The following SLC24A2 variants were observed in gnomAD, a reference collection of about 807,000 sequenced individuals.
The protein encoded by SLC24A2 is sodium/potassium/calcium exchanger 2.
A neutral mutation model predicts 62.0 loss-of-function variants in SLC24A2; 36 were observed. The observed-to-expected ratio is 0.58, with a 90% CI of 0.44 to 0.77. SLC24A2 has a LOEUF of 0.77. Ranked by LOEUF, SLC24A2 falls within the 30% of genes least tolerant of loss-of-function variation. The probability of loss-of-function intolerance (pLI) is 0.00; values close to 1 mark genes in which losing one functional copy is unlikely to be tolerated. For synonymous variants in SLC24A2, 358 were observed against 294.0 expected (o/e 1.22, Z -2.23); for missense variants, 846 against 817.9 (o/e 1.03, Z -0.42).
the SLC24A2 span, among the ~76,000 whole-genome samples, chr9:20,293,560 T>A: frequency 5.3e-4 from 81 of 152,316 alleles, no homozygotes; most frequent in African/African-American, 1.9e-3. Context: ...GGAAGCACTG[T>A]TATTACCACC....
the SLC24A2 span, among the ~76,000 whole-genome samples, chr9:20,208,092 T>A: frequency 6.6e-6 from 1 of 151,934 alleles, no homozygotes; most frequent in Non-Finnish European, 1.5e-5. Context: ...GTCAGCAAGA[T>A]TGGGAAGGAA....
At chr9:20,160,394 C>A in the SLC24A2 span, among the ~76,000 whole-genome samples, 1 of 150,942 alleles carries the variant, frequency 6.6e-6, no homozygotes, top group Non-Finnish European at 1.5e-5. Context: ...GTCAAGTGGA[C>A]AAAAAATAAG....
At chr9:20,088,781 C>T in the SLC24A2 span, among the ~76,000 whole-genome samples, 1 of 152,150 alleles carries the variant, frequency 6.6e-6, no homozygotes. Flanking sequence ...ATCGGGGTCC[C>T]CAGCCTCCCC....
At chr9:19,877,870 C>G in the SLC24A2 span, among the ~76,000 whole-genome samples, 1 of 152,130 alleles carries the variant, frequency 6.6e-6, no homozygotes, top group African/African-American at 2.4e-5. Context: ...TAATTTACAC[C>G]TTCAACCCTG....
At chr9:20,207,703 C>A in the SLC24A2 span, among the ~76,000 whole-genome samples, 3 of 152,144 alleles carry the variant, frequency 2.0e-5, no homozygotes, top group Non-Finnish European at 2.9e-5. Context: ...GATGTTAAAT[C>A]TGAGGTATAA....
At chr9:19,560,897 G>GTGTGTGTGTGTGTA (rs1287721646) in intron 7 of SLC24A2, among the ~76,000 whole-genome samples, 1 of 128,498 alleles carries the variant, frequency 7.8e-6, no homozygotes. Context: ...GTGTGTGTGT[G>GTGTGTGTGTGTGTA]TATATATATA....
the SLC24A2 span, among the ~76,000 whole-genome samples, chr9:20,276,034 C>T: frequency 6.6e-6 from 1 of 152,150 alleles, no homozygotes; most frequent in Admixed American, 6.5e-5. Context: ...GGTGAGGACA[C>T]AGCCAAACCA....
rs5896848 is a variant in SLC24A2, at chr9:19,584,273, T to TA, written c.1130-7252dup. Reference sequence around the variant, plus strand: ...TCACAAACTAACACATAGCAAATAGTAAAAAAAAAAAAAAAAAAAACAAAC... The same window carrying TA: ...TCACAAACTAACACATAGCAAATAGTAAAAAAAAAAAAAAAAAAAAACAAAC... On this transcript the variant is annotated intron_variant, in intron 5 of 10. Coordinates refer to ENST00000341998, the MANE Select transcript of SLC24A2 (RefSeq NM_020344.4). 6.5e-3 allele frequency among the ~76,000 whole-genome samples: 779 copies of TA among 119,840 alleles called. 5 individuals are homozygous for TA. The highest frequency in any genetic ancestry group is 0.023 in the African/African-American group (724 of 31,702). The allele number at this position is 119,840 out of a possible 152,430, so 78.6% of individuals were successfully genotyped here.
chr9:19,701,564 G>A (rs546482903), intron 2 of SLC24A2, among the ~76,000 whole-genome samples: 1 of 152,188 alleles, frequency 6.6e-6, no homozygotes, highest in Non-Finnish European at 1.5e-5. Flanking sequence ...TTACTGAACA[G>A]TTCTGGAGGC....
the SLC24A2 span, among the ~76,000 whole-genome samples, chr9:20,140,904 G>A: frequency 4.0e-5 from 6 of 151,868 alleles, no homozygotes; most frequent in Non-Finnish European, 7.4e-5. Flanking sequence ...TTCCTCTACC[G>A]CTCACCTGCT....
chr9:19,861,422 A>C, the SLC24A2 span, among the ~76,000 whole-genome samples: 1 of 152,260 alleles, frequency 6.6e-6, no homozygotes, highest in African/African-American at 2.4e-5. Flanking sequence ...TTACATCCTA[A>C]TGCCCAAGTC....
the SLC24A2 span, among the ~76,000 whole-genome samples, chr9:19,933,220 A>G: frequency 6.6e-6 from 1 of 152,220 alleles, no homozygotes; most frequent in Non-Finnish European, 1.5e-5. Flanking sequence ...CAGCCAGAGT[A>G]AGGCATGCTA....
chr9:19,759,337 A>G (rs572245190), intron 2 of SLC24A2, among the ~76,000 whole-genome samples: 8 of 152,190 alleles, frequency 5.3e-5, no homozygotes, highest in Non-Finnish European at 1.0e-4. Context: ...ATTAAACACC[A>G]TGATCTCCAT....
the SLC24A2 span, among the ~76,000 whole-genome samples, chr9:19,837,432 C>G: frequency 8.8e-6 from 1 of 114,142 alleles, no homozygotes; most frequent in African/African-American, 3.2e-5. Flanking sequence ...GCAGTCCGGC[C>G]TGGGCGACAG....
chr9:20,029,921 G>C, the SLC24A2 span, among the ~76,000 whole-genome samples: 1 of 152,180 alleles, frequency 6.6e-6, no homozygotes, highest in South Asian at 2.1e-4. Flanking sequence ...CCCCATGTTA[G>C]TGTTGCACAA....
At chr9:19,636,315 T>TTTTCTTTCCTTTTCTTTCCTTTCTTTC (rs1818329839) in intron 2 of SLC24A2, among the ~76,000 whole-genome samples, 7 of 40,328 alleles carry the variant, frequency 1.7e-4, no homozygotes, top group African/African-American at 5.8e-4. Flanking sequence ...TTTTCTTTTC[T>TTTTCTTTCCTTTTCTTTCCTTTCTTTC]TTTCTTTCTT....
the SLC24A2 span, among the ~76,000 whole-genome samples, chr9:19,871,317 T>C: frequency 6.6e-6 from 1 of 152,196 alleles, no homozygotes; most frequent in Non-Finnish European, 1.5e-5. Context: ...AATTTGACTA[T>C]AAATTGTTTA....
the SLC24A2 span, among the ~76,000 whole-genome samples, chr9:19,965,077 TG>T: frequency 6.6e-6 from 1 of 151,490 alleles, no homozygotes; most frequent in African/African-American, 2.4e-5. Flanking sequence ...CAGTTCCCTG[TG>T]ACACACAGGT....
chr9:20,294,919 G>C, the SLC24A2 span, among the ~76,000 whole-genome samples: 39 of 151,706 alleles, frequency 2.6e-4, no homozygotes, highest in Admixed American at 1.4e-3. Flanking sequence ...TCAGATACTG[G>C]CAAAACTCAA....
Sources: allele counts gnomAD v4.1 joint callset (sites outside exome capture counted in the v4.1 genomes callset), GRCh38; gene constraint gnomAD v4.1.1; transcripts MANE v1.5; gene names NCBI Gene and HGNC (gene_info 2026-07-23, HGNC 2026-07-21).